Variants in DNAJC15 observed in about 807,000 individuals in gnomAD.
DNAJC15 encodes the protein dnaJ homolog subfamily C member 15.
A neutral mutation model predicts 22.4 loss-of-function variants in DNAJC15; 27 were observed. The ratio of observed to expected loss-of-function variants is 1.20; its 90% confidence interval spans 0.89 to 1.66. The LOEUF (loss-of-function observed/expected upper bound fraction) is 1.66, where lower values mean the gene tolerates loss of function less well. Among genes scored for constraint, DNAJC15 ranks in the 40% most tolerant of loss-of-function variants. The probability of loss-of-function intolerance (pLI) is 0.00; values close to 1 mark genes in which losing one functional copy is unlikely to be tolerated. For missense variants in DNAJC15, 208 were observed against 187.1 expected, an observed-to-expected ratio of 1.11 and a Z score of -0.65; for synonymous variants, 79 against 63.2, an observed-to-expected ratio of 1.25 and a Z score of -1.19.
Position 43,034,028 on chromosome 13 carries a change from CAA to C in DNAJC15, c.108+10309_108+10310del, listed in dbSNP as rs568856935. On this transcript the variant is annotated intron_variant, in intron 1 of 5. Transcript: ENST00000379221. ...GGGCGACAAGAGTAAAACTTCATCT[CAA>C]AAAAAAAAAAAAAAGAAAATGACTT... Among the ~76,000 whole-genome samples, 139 of 108,648 alleles carry C rather than the reference CAA, an allele frequency of 1.3e-3. 1 individual carries two copies. The highest frequency in any genetic ancestry group is 2.3e-3 in the Non-Finnish European group (114 of 49,324). The allele number at this position is 108,648 out of a possible 152,430, so 71.3% of individuals were successfully genotyped here.
chr13:43,044,661 A>G (rs2040468122), intron 1 of DNAJC15, among the ~76,000 whole-genome samples: 1 of 152,148 alleles, frequency 6.6e-6, no homozygotes, highest in Non-Finnish European at 1.5e-5. Flanking sequence ...TACCTGGTCC[A>G]GGGTATTTTG....
intron 1 of DNAJC15, among the ~76,000 whole-genome samples, chr13:43,058,225 G>A (rs2040540880): frequency 6.6e-6 from 1 of 152,206 alleles, no homozygotes; most frequent in Non-Finnish European, 1.5e-5. Context: ...TAGCCAGGAG[G>A]TAGAGCTTTC....
chr13:43,057,999 G>A (rs1342104511), intron 1 of DNAJC15, among the ~76,000 whole-genome samples: 1 of 152,120 alleles, frequency 6.6e-6, no homozygotes, highest in Non-Finnish European at 1.5e-5. Context: ...CTGCTCCAGT[G>A]GAGGTAGCAT....
chr13:43,039,265 C>T (rs2153439745), intron 1 of DNAJC15, among the ~76,000 whole-genome samples: 1 of 152,162 alleles, frequency 6.6e-6, no homozygotes, highest in African/African-American at 2.4e-5. Context: ...TTTTTTTCAA[C>T]TCTATGATTC....
At position 43,110,866 on chromosome 13, in the gene DNAJC15, A is replaced by G. The variant is rs977679507; in HGVS notation, c.*3618A>G. The G allele has an allele frequency of 7.2e-5, 11 of 152,330 alleles. No individual in the cohort carries two copies. The highest frequency in any genetic ancestry group is 1.9e-4 in the African/African-American group (8 of 41,592). The allele number at this position is 152,330 out of a possible 1,614,324, so 9.4% of individuals were successfully genotyped here. On this transcript the variant is annotated 3_prime_UTR_variant, in exon 6 of 6. Coordinates refer to ENST00000379221, the MANE Select transcript of DNAJC15 (RefSeq NM_013238.3). The stretch of plus-strand genomic sequence containing the variant: ...ACCCTCCCCCCAACTCCTTATCTGT[A>G]AAAAGCTTATTTGAGTGGTTACCTG...
At chr13:43,070,598 A>T (rs1197441555) in intron 3 of DNAJC15, among the ~76,000 whole-genome samples, 2 of 152,158 alleles carry the variant, frequency 1.3e-5, no homozygotes, top group African/African-American at 2.4e-5. Flanking sequence ...CTCCAAGAAG[A>T]TAAGGGAGCA....
chr13:43,062,512 C>G (rs2040563731), intron 1 of DNAJC15, among the ~76,000 whole-genome samples: 2 of 152,110 alleles, frequency 1.3e-5, no homozygotes, highest in Non-Finnish European at 2.9e-5. Flanking sequence ...GTGCTCAATA[C>G]TTATTTGTTG....
intron 1 of DNAJC15, among the ~76,000 whole-genome samples, chr13:43,034,549 T>C (rs1436501983): frequency 6.6e-6 from 1 of 151,922 alleles, no homozygotes; most frequent in Non-Finnish European, 1.5e-5. Flanking sequence ...TCTCCTGACC[T>C]AGTGATCCGC....
intron 5 of DNAJC15, among the ~76,000 whole-genome samples, chr13:43,086,420 A>G (rs906081102): frequency 6.6e-6 from 1 of 152,216 alleles, no homozygotes; most frequent in African/African-American, 2.4e-5. Flanking sequence ...TCTGCTTTAA[A>G]ATAACAGATG....
chr13:43,092,702 A>G (rs1460081794), intron 5 of DNAJC15, among the ~76,000 whole-genome samples: 2 of 152,206 alleles, frequency 1.3e-5, no homozygotes, highest in Admixed American at 1.3e-4. Context: ...GCTTGGGCTC[A>G]GGAATTCAAG....
intron 2 of DNAJC15, among the ~76,000 whole-genome samples, chr13:43,066,338 C>T (rs2153440859): frequency 6.6e-6 from 1 of 152,122 alleles, no homozygotes; most frequent in East Asian, 1.9e-4. Context: ...TCCTGGCCTA[C>T]AGAGTTTGCC....
At chr13:43,058,159 T>G (rs2040540556) in intron 1 of DNAJC15, among the ~76,000 whole-genome samples, 1 of 152,160 alleles carries the variant, frequency 6.6e-6, no homozygotes, top group South Asian at 2.1e-4. Flanking sequence ...TTCTTTTTTC[T>G]TAGAGTGTGG....
chr13:43,060,302 T>C (rs1486593880), intron 1 of DNAJC15, among the ~76,000 whole-genome samples: 1 of 151,938 alleles, frequency 6.6e-6, no homozygotes, highest in Non-Finnish European at 1.5e-5. Context: ...TATTGTGGGG[T>C]TGTTAGAAGG....
Position 43,085,802 on chromosome 13 carries a change from C to A in DNAJC15, c.346C>A (p.His116Asn). The A allele has an allele frequency of 6.2e-7, 1 of 1,613,634 alleles. No individual in the cohort carries two copies. The highest frequency in any genetic ancestry group is 8.5e-7 in the Non-Finnish European group (1 of 1,179,862). Residue 116 changes from histidine (H) to asparagine (N), a missense_variant, in exon 5 of 6, where the codon CAT becomes AAT. By Grantham distance (68) the His-to-Asn change is moderately conservative. Coordinates refer to ENST00000379221, the MANE Select transcript of DNAJC15 (RefSeq NM_013238.3). ...TGGCAAGGCTAAGATTAGAACAGCT[C>A]ATAGGAGAGTCATGATTTTGAATCA... The part of the protein sequence containing the change: ...SAGKAKIRTA[H>N]RRVMILNHPD...
rs1423925390 is a variant in DNAJC15 at position 43,107,269 on chromosome 13, G to C, written c.*21G>C. On this transcript the variant is annotated 3_prime_UTR_variant, in exon 6 of 6. Transcript: ENST00000379221. ...ATTGATGCTTAAGGACCACACTGAA[G>C]GAAAAAAAAAGAGGGGACTTCGAAA... 1 of 1,489,142 alleles carries C rather than the reference G, an allele frequency of 6.7e-7. No homozygotes were observed. Among genetic ancestry groups the C allele is most frequent in the Non-Finnish European group, 8.9e-7 (1 of 1,127,640 alleles). The allele number at this position is 1,489,142 out of a possible 1,614,324, so 92.2% of individuals were successfully genotyped here.
At chr13:43,048,201 C>T (rs1057207568) in intron 1 of DNAJC15, among the ~76,000 whole-genome samples, 24 of 152,030 alleles carry the variant, frequency 1.6e-4, no homozygotes, top group African/African-American at 4.3e-4. Flanking sequence ...AAACTTAGGC[C>T]GGGTGCATTG....
rs774968811 is a variant in DNAJC15, at chr13:43,078,593, CTCTT to C, written c.235-12_235-9del. ...CATACGTGGAACTAATGATTTCTTG[CTCTT>C]TCTTTCCTATACAGAGCTTTTCATC... On this transcript the variant is annotated splice_polypyrimidine_tract_variant and intron_variant, in intron 3 of 5. Coordinates refer to ENST00000379221, the MANE Select transcript of DNAJC15 (RefSeq NM_013238.3). 12 of 1,606,042 alleles carry C rather than the reference CTCTT, an allele frequency of 7.5e-6. No homozygotes were observed. The Admixed American group carries it at 1.2e-4, about 16-fold the overall frequency.
chr13:43,041,004 C>CAGG (rs1180322206), intron 1 of DNAJC15, among the ~76,000 whole-genome samples: 1 of 152,230 alleles, frequency 6.6e-6, no homozygotes, highest in African/African-American at 2.4e-5. Context: ...CAGAGATGGG[C>CAGG]AGGAGACAGA....
chr13:43,093,654 G>A (rs914355535), intron 5 of DNAJC15, among the ~76,000 whole-genome samples: 1 of 152,092 alleles, frequency 6.6e-6, no homozygotes, highest in African/African-American at 2.4e-5. Context: ...GACTCAAGCC[G>A]TCCTGCCACC....
Sources: allele counts gnomAD v4.1 joint callset (sites outside exome capture counted in the v4.1 genomes callset), GRCh38; gene constraint gnomAD v4.1.1; transcripts MANE v1.5; gene names NCBI Gene and HGNC (gene_info 2026-07-23, HGNC 2026-07-21).